The following SLC25A43 variants were observed in gnomAD, a reference collection of about 807,000 sequenced individuals.
SLC25A43 encodes solute carrier family 25, member 43.
In SLC25A43, 10 loss-of-function variants were observed where a neutral mutation model predicts 22.8. That is an observed-to-expected ratio of 0.44 (90% CI 0.27 to 0.74). The LOEUF (loss-of-function observed/expected upper bound fraction) is 0.74. Ranked by LOEUF, SLC25A43 falls within the 30% of genes least tolerant of loss-of-function variation. SLC25A43 has a pLI of 0.17. For missense variants in SLC25A43, 233 were observed against 279.1 expected (o/e 0.83, Z 1.18); for synonymous variants, 106 against 121.6 (o/e 0.87, Z 0.84).
At chrX:119,424,568 G>T (rs2052486437) in intron 3 of SLC25A43, among the ~76,000 whole-genome samples, 1 of 111,785 alleles carries the variant, frequency 8.9e-6, no homozygotes, top group African/African-American at 3.3e-5. Flanking sequence ...ACTAGAGGAT[G>T]AGGGAGCGGG....
chrX:119,410,626 G>A (rs1017751185), intron 3 of SLC25A43, among the ~76,000 whole-genome samples: 1 of 111,763 alleles, frequency 8.9e-6, no homozygotes. Context: ...GGTGATTCAC[G>A]CCTGTAATCC....
At position 119,410,258 on chromosome X, in the gene SLC25A43, C is replaced by T. The variant is rs201271542; in HGVS notation, c.586C>T (p.Arg196Ter). 14 of 1,208,534 alleles carry T rather than the reference C, an allele frequency of 1.2e-5. No individual in the cohort carries two copies. Among genetic ancestry groups the T allele is most frequent in the Non-Finnish European group, 1.6e-5 (14 of 894,673 alleles). The part of the protein sequence containing the change: ...MNLEKIWNGP[R>*]DQFSLPQNFA... ...CCTGGAGAAAATCTGGAACGGACCC[C>T]GAGATCAGTTCTCTCTCCCACAGAA... Residue 196 changes from arginine (R) to a stop codon, truncating the protein, a stop_gained, in exon 3 of 5, where the codon CGA becomes TGA. Coordinates refer to ENST00000217909, the MANE Select transcript of SLC25A43 (RefSeq NM_145305.3). LOFTEE classifies it high-confidence loss of function.
chrX:119,406,581 C>T lies in SLC25A43; in HGVS notation c.397C>T (p.Arg133Trp), dbSNP rs267606330. The T allele has an allele frequency of 2.5e-6, 3 of 1,211,755 alleles. No homozygotes were observed. The highest frequency in any genetic ancestry group is 4.6e-4 in the Middle Eastern group (2 of 4,354). Residue 133 changes from arginine (R) to tryptophan (W), a missense_variant, in exon 2 of 5, where the codon CGG (arginine) becomes TGG (tryptophan). Physicochemically the swap from Arg to Trp is moderately radical, Grantham distance 101. Transcript: ENST00000217909. The stretch of plus-strand genomic sequence containing the variant: ...ATATCCTACAGACCTCATCAAAACC[C>T]GGTTGATCATGCAGAACATACTGGA... ...VTYPTDLIKT[R>W]LIMQNILEPS... is the part of the protein sequence containing the mutation.
At position 119,452,033 on chromosome X, in the gene SLC25A43, A is replaced by G. The variant is rs2147303417; in HGVS notation, c.715A>G (p.Ser239Gly). 8.3e-7 allele frequency: 1 copy of G among 1,210,506 alleles called. No homozygotes were observed. Among genetic ancestry groups the G allele is most frequent in the Non-Finnish European group, 1.1e-6 (1 of 894,870 alleles). The change falls in exon 4 of 5, where the codon AGT (serine) becomes GGT (glycine). Residue 239 changes from serine to glycine, a missense_variant. Physicochemically the swap from Ser to Gly is moderately conservative, Grantham distance 56. Transcript: ENST00000217909. ...GGCTCAGAGCCCCTACCTCCCACACAGTGGAGGAGTAGATGTCCATTTCTC... is the reference window on the plus strand; with the variant it reads ...GGCTCAGAGCCCCTACCTCCCACACGGTGGAGGAGTAGATGTCCATTTCTC... ...MQAQSPYLPH[S>G]GGVDVHFSGA... is the part of the protein sequence containing the mutation.
intron 3 of SLC25A43, among the ~76,000 whole-genome samples, chrX:119,441,758 G>A (rs1411412425): frequency 9.0e-6 from 1 of 111,531 alleles, no homozygotes; most frequent in African/African-American, 3.3e-5. Context: ...TCATTAAAAT[G>A]TTTTAAGCAG....
chrX:119,453,181 G>A lies in SLC25A43; in HGVS notation c.*116G>A, dbSNP rs1218232191. Reference sequence around the variant, plus strand: ...GAAGCTACTGCTATCTGCTGCTCTGGGAAATGAGATGGTTTGGCCATGCAC... The same window carrying A: ...GAAGCTACTGCTATCTGCTGCTCTGAGAAATGAGATGGTTTGGCCATGCAC... On this transcript the variant is annotated 3_prime_UTR_variant, in exon 5 of 5. Coordinates refer to ENST00000217909, the MANE Select transcript of SLC25A43 (RefSeq NM_145305.3). 2 of 641,966 alleles carry A rather than the reference G, an allele frequency of 3.1e-6. No individual in the cohort carries two copies. The highest frequency in any genetic ancestry group is 4.4e-5 in the African/African-American group (2 of 45,263). 52.9% of individuals were successfully genotyped at this position (641,966 alleles called of 1,213,427 possible).
At chrX:119,416,452 CT>C (rs2052402781) in intron 3 of SLC25A43, among the ~76,000 whole-genome samples, 1 of 112,248 alleles carries the variant, frequency 8.9e-6, no homozygotes, top group African/African-American at 3.2e-5. Flanking sequence ...AACTCCTGGC[CT>C]CATGATCTGC....
At chrX:119,442,684 C>T (rs764496480) in intron 3 of SLC25A43, among the ~76,000 whole-genome samples, 1 of 112,025 alleles carries the variant, frequency 8.9e-6, no homozygotes, top group South Asian at 3.7e-4. Flanking sequence ...CACTGAAGAC[C>T]CCTAGCCATT....
At chrX:119,406,336 C>A in intron 1 of SLC25A43, 124 bp from the exon 2 acceptor site, 1 of 793,473 alleles carries the variant, frequency 1.3e-6, no homozygotes, top group Non-Finnish European at 1.8e-6. Flanking sequence ...TTATATAGTA[C>A]TATAGTAACT....
intron 3 of SLC25A43, among the ~76,000 whole-genome samples, chrX:119,432,819 G>A (rs2052565378): frequency 9.8e-6 from 1 of 101,855 alleles, no homozygotes; most frequent in African/African-American, 3.7e-5. Flanking sequence ...TTTAAAAGAG[G>A]TAAAGTTGTG....
chrX:119,408,099 C>T (rs1485566358), intron 2 of SLC25A43, among the ~76,000 whole-genome samples: 4 of 110,480 alleles, frequency 3.6e-5, no homozygotes, highest in Non-Finnish European at 7.6e-5. Flanking sequence ...AAAAAGTATT[C>T]AGCGACTCCT....
intron 3 of SLC25A43, chrX:119,424,019 C>A (rs1481550642): frequency 1.8e-5 from 2 of 110,291 alleles, no homozygotes; most frequent in Non-Finnish European, 3.8e-5. Context: ...TCGAGACCAT[C>A]CTGGCTAACA....
At chrX:119,399,980 T>C (rs925742982) in intron 1 of SLC25A43, among the ~76,000 whole-genome samples, 3 of 112,565 alleles carry the variant, frequency 2.7e-5, no homozygotes, top group East Asian at 5.6e-4. Context: ...AGCAAAGGAT[T>C]TGGAGGAAAG....
intron 3 of SLC25A43, among the ~76,000 whole-genome samples, chrX:119,430,759 C>T (rs774977257): frequency 4.4e-5 from 5 of 112,478 alleles, no homozygotes; most frequent in Admixed American, 1.9e-4. Flanking sequence ...ATGCAGCTAA[C>T]GGTTGAGATG....
chrX:119,427,011 C>T (rs2052512385), intron 3 of SLC25A43, among the ~76,000 whole-genome samples: 2 of 111,310 alleles, frequency 1.8e-5, no homozygotes, highest in Admixed American at 1.9e-4. Context: ...CAGACAGGCT[C>T]CATGTGCAAG....
chrX:119,406,787 A>G lies in SLC25A43; in HGVS notation c.517+86A>G, dbSNP rs752320805. ...ATTGTATACCTTTGTGAGCCACTAA[A>G]TCAGTTTTACTGAGATCAAGGTTAT... On this transcript the variant is annotated intron_variant, in intron 2 of 4. Transcript: ENST00000217909. 5.4e-5 allele frequency: 58 copies of G among 1,068,076 alleles called. No homozygotes were observed. In the African/African-American group the frequency reaches 1.1e-3, roughly 19 times the overall value. 88.0% of individuals were successfully genotyped at this position (1,068,076 alleles called of 1,213,427 possible).
At chrX:119,426,000 G>T (rs151299339) in intron 3 of SLC25A43, among the ~76,000 whole-genome samples, 13 of 111,400 alleles carry the variant, frequency 1.2e-4, no homozygotes, top group Admixed American at 1.1e-3. Context: ...CCAGCTAAAC[G>T]GTAACAGCAC....
chrX:119,402,531 C>T (rs1228530762), intron 1 of SLC25A43, among the ~76,000 whole-genome samples: 1 of 112,058 alleles, frequency 8.9e-6, no homozygotes, highest in Non-Finnish European at 1.9e-5. Flanking sequence ...AACACTATTT[C>T]TTTATTGAAT....
intron 3 of SLC25A43, chrX:119,426,354 G>A: frequency 2.2e-6 from 1 of 452,580 alleles, no homozygotes; most frequent in South Asian, 1.2e-4. Flanking sequence ...CTGTTTTGAG[G>A]GTAAGAATGG....
Sources: gnomAD v4.1 joint callset for allele counts (sites outside exome capture counted in the v4.1 genomes callset) on GRCh38, gnomAD v4.1.1 for gene constraint, MANE v1.5 for transcripts, NCBI Gene and HGNC (gene_info 2026-07-23, HGNC 2026-07-21) for gene names.